IL1RAPL1: variants seen among roughly 807,000 people sequenced by gnomAD.
IL1RAPL1 encodes interleukin-1 receptor accessory protein-like 1.
In IL1RAPL1, 3 loss-of-function variants were observed where a neutral mutation model predicts 48.4. The observed-to-expected ratio is 0.06, with a 90% CI of 0.03 to 0.16. The LOEUF (loss-of-function observed/expected upper bound fraction) is 0.16. Among genes scored for constraint, IL1RAPL1 ranks in the 10% least tolerant of loss-of-function variants. IL1RAPL1 has a pLI of 1.00. For missense variants in IL1RAPL1, 349 were observed against 530.6 expected (o/e 0.66, Z 3.36); for synonymous variants, 185 against 187.7 (o/e 0.99, Z 0.12).
At chrX:29,439,851 G>GTTTTTTTTTTTTTTTTTT in intron 5 of IL1RAPL1, among the ~76,000 whole-genome samples, 1 of 59,861 alleles carries the variant, frequency 1.7e-5, no homozygotes, top group Non-Finnish European at 2.9e-5. Context: ...TGTTTGTTTG[G>GTTTTTTTTTTTTTTTTTT]TTTTTTTTTT....
chrX:29,312,607 G>T (rs184725316), intron 3 of IL1RAPL1, among the ~76,000 whole-genome samples: 1 of 111,583 alleles, frequency 9.0e-6, no homozygotes. Context: ...ATTGATTTGA[G>T]AATTAGAGGC....
chrX:29,461,583 C>T (rs866001202), intron 5 of IL1RAPL1, among the ~76,000 whole-genome samples: 2 of 111,102 alleles, frequency 1.8e-5, no homozygotes, highest in Non-Finnish European at 3.8e-5. Context: ...TAGCAGTATT[C>T]AGAGTAGCCC....
intron 5 of IL1RAPL1, among the ~76,000 whole-genome samples, chrX:29,446,938 A>G (rs1184355816): frequency 1.8e-5 from 2 of 111,691 alleles, no homozygotes; most frequent in Non-Finnish European, 3.8e-5. Flanking sequence ...TCAGTGTATT[A>G]CTGAATTTTT....
intron 3 of IL1RAPL1, among the ~76,000 whole-genome samples, chrX:29,302,101 T>A (rs1932544651): frequency 1.8e-5 from 2 of 111,120 alleles, no homozygotes; most frequent in Admixed American, 9.6e-5. Context: ...GGTGTTTGAC[T>A]TTTTTTTTCT....
chrX:29,381,834 ATATATAT>A (rs1158624341), intron 3 of IL1RAPL1, among the ~76,000 whole-genome samples: 12 of 18,418 alleles, frequency 6.5e-4, no homozygotes, highest in African/African-American at 1.5e-3. Context: ...AAAAAAAAAA[ATATATAT>A]ATATATATAT....
At chrX:29,124,040 C>T (rs1238729402) in intron 2 of IL1RAPL1, among the ~76,000 whole-genome samples, 2 of 111,376 alleles carry the variant, frequency 1.8e-5, no homozygotes, top group African/African-American at 6.5e-5. Flanking sequence ...GTGATGGACA[C>T]TGTTGTTCTA....
At chrX:28,915,331 A>G (rs1233794016) in intron 2 of IL1RAPL1, among the ~76,000 whole-genome samples, 4 of 111,196 alleles carry the variant, frequency 3.6e-5, no homozygotes, top group African/African-American at 1.3e-4. Flanking sequence ...TCATTCTCTG[A>G]TATTTTACCA....
chrX:28,718,253 T>C (rs1278213341), intron 1 of IL1RAPL1, among the ~76,000 whole-genome samples: 7 of 111,747 alleles, frequency 6.3e-5, no homozygotes, highest in Admixed American at 9.5e-5. Flanking sequence ...AAAAAAACTC[T>C]CTGATGTTTG....
intron 2 of IL1RAPL1, among the ~76,000 whole-genome samples, chrX:29,087,950 T>A (rs1927991990): frequency 8.9e-6 from 1 of 112,100 alleles, no homozygotes; most frequent in South Asian, 3.7e-4. Flanking sequence ...AAGGGTCACT[T>A]GAGCCCCATG....
chrX:28,599,730 T>C (rs949669962), intron 1 of IL1RAPL1, among the ~76,000 whole-genome samples: 1 of 112,052 alleles, frequency 8.9e-6, no homozygotes, highest in East Asian at 2.8e-4. Flanking sequence ...CTAAAGCTTA[T>C]GGACCAGTGG....
At chrX:29,249,704 A>G (rs1443069370) in intron 2 of IL1RAPL1, among the ~76,000 whole-genome samples, 1 of 112,004 alleles carries the variant, frequency 8.9e-6, no homozygotes, top group Non-Finnish European at 1.9e-5. Flanking sequence ...ATAGATTACA[A>G]TAGTGGAAAA....
At chrX:29,844,211 T>C (rs1931197683) in intron 6 of IL1RAPL1, among the ~76,000 whole-genome samples, 2 of 112,159 alleles carry the variant, frequency 1.8e-5, no homozygotes, top group African/African-American at 6.5e-5. Context: ...GGTGCAGTAA[T>C]TAACAAAGGA....
chrX:29,420,957 T>A (rs1934283538), intron 5 of IL1RAPL1, among the ~76,000 whole-genome samples: 1 of 112,213 alleles, frequency 8.9e-6, no homozygotes, highest in South Asian at 3.7e-4. Context: ...TGATAGGGTT[T>A]TCTTCTTAAG....
intron 2 of IL1RAPL1, among the ~76,000 whole-genome samples, chrX:29,169,752 G>C (rs984818254): frequency 9.0e-6 from 1 of 110,574 alleles, no homozygotes; most frequent in Non-Finnish European, 1.9e-5. Context: ...AATGTTATCA[G>C]TGGTCCCAAA....
At chrX:29,084,309 A>AT (rs1157943017) in intron 2 of IL1RAPL1, among the ~76,000 whole-genome samples, 2 of 112,290 alleles carry the variant, frequency 1.8e-5, no homozygotes, top group Non-Finnish European at 3.8e-5. Context: ...TATAGCTGTA[A>AT]TTTTTTTATC....
intron 5 of IL1RAPL1, among the ~76,000 whole-genome samples, chrX:29,526,301 C>A (rs1602279092): frequency 9.0e-6 from 1 of 111,336 alleles, no homozygotes; most frequent in East Asian, 2.8e-4. Context: ...TTCACTATGA[C>A]CACCTGGGTT....
intron 2 of IL1RAPL1, among the ~76,000 whole-genome samples, chrX:29,006,205 A>T (rs1925973642): frequency 9.0e-6 from 1 of 110,927 alleles, no homozygotes; most frequent in Non-Finnish European, 1.9e-5. Context: ...TCTTCTTGTT[A>T]CATTTTTGTA....
intron 5 of IL1RAPL1, among the ~76,000 whole-genome samples, chrX:29,417,890 A>G (rs913494493): frequency 3.7e-5 from 4 of 108,083 alleles, no homozygotes; most frequent in African/African-American, 1.3e-4. Context: ...AGCATACTCT[A>G]CACATGAATT....
intron 5 of IL1RAPL1, among the ~76,000 whole-genome samples, chrX:29,474,331 C>T (rs1005957828): frequency 3.6e-5 from 4 of 111,890 alleles, no homozygotes; most frequent in Admixed American, 1.9e-4. Context: ...GCCAGAATTC[C>T]GTAGTAGGAA....
Sources: allele counts gnomAD v4.1 joint callset (sites outside exome capture counted in the v4.1 genomes callset), GRCh38; gene constraint gnomAD v4.1.1; transcripts MANE v1.5; gene names NCBI Gene and HGNC (gene_info 2026-07-23, HGNC 2026-07-21).